The following OR5AN1 variants were observed in gnomAD, a reference collection of about 807,000 sequenced individuals.
OR5AN1 encodes the protein olfactory receptor family 5 subfamily AN member 1, also known as olfactory receptor 5AN1.
For synonymous variants in OR5AN1, 167 were observed against 131.8 expected (o/e 1.27, Z -1.83); for missense variants, 476 against 368.9 (o/e 1.29, Z -2.38).
rs572982469 is a variant in OR5AN1, at chr11:59,370,920, A to T, written c.*5526A>T. Reference sequence around the variant, plus strand: ...ACATCTTTTTTGATCAAAGCTTTACATCATTTGGATTCACAAGAAGGACCA... The same window carrying T: ...ACATCTTTTTTGATCAAAGCTTTACTTCATTTGGATTCACAAGAAGGACCA... On this transcript the variant is annotated 3_prime_UTR_variant, in exon 2 of 2. Coordinates refer to ENST00000641998, the MANE Select transcript of OR5AN1 (RefSeq NM_001004729.2). The T allele has an allele frequency of 6.6e-6, 1 of 152,216 alleles. No homozygotes were observed. Among genetic ancestry groups the T allele is most frequent in the Non-Finnish European group, 1.5e-5 (1 of 68,032 alleles). The allele number at this position is 152,216 out of a possible 1,614,324, so 9.4% of individuals were successfully genotyped here.
Position 59,368,943 on chromosome 11 carries a change from C to A in OR5AN1, c.*3549C>A, listed in dbSNP as rs1008552285. The A allele has an allele frequency of 6.6e-6, 1 of 152,200 alleles. No homozygotes were observed. The highest frequency in any genetic ancestry group is 1.5e-5 in the Non-Finnish European group (1 of 68,040). The allele number at this position is 152,200 out of a possible 1,614,324, so 9.4% of individuals were successfully genotyped here. Reference sequence around the variant, plus strand: ...ACACAACAGAACAAGAGTCTTCCAGCTGTCCTGTAAGCCTAGGTATCACCT... The same window carrying A: ...ACACAACAGAACAAGAGTCTTCCAGATGTCCTGTAAGCCTAGGTATCACCT... On this transcript the variant is annotated 3_prime_UTR_variant, in exon 2 of 2. Transcript: ENST00000641998.
At chr11:59,359,347 T>C (rs1226711643) in intron 1 of OR5AN1, 75 bp downstream of exon 1, 1 of 152,226 alleles carries the variant, frequency 6.6e-6, no homozygotes, top group Non-Finnish European at 1.5e-5. Flanking sequence ...TTCTTCTTTT[T>C]CACCTGTAAA....
In OR5AN1 at chr11:59,368,929, C is replaced by T. The variant is rs1857564028; in HGVS notation, c.*3535C>T. ...AACATAGGGGAGCCACACAACAGAA[C>T]AAGAGTCTTCCAGCTGTCCTGTAAG... On this transcript the variant is annotated 3_prime_UTR_variant, in exon 2 of 2. Transcript: ENST00000641998. 1.3e-5 allele frequency: 2 copies of T among 152,204 alleles called. No homozygotes were observed. Among genetic ancestry groups the T allele is most frequent in the South Asian group, 4.1e-4 (2 of 4,832 alleles). 9.4% of individuals were successfully genotyped at this position (152,204 alleles called of 1,614,324 possible).
In OR5AN1 at chr11:59,368,757, T is replaced by G. The variant is rs1372338785; in HGVS notation, c.*3363T>G. 6.6e-6 allele frequency: 1 copy of G among 152,218 alleles called. No homozygotes were observed. The highest frequency in any genetic ancestry group is 2.4e-5 in the African/African-American group (1 of 41,426). The allele number at this position is 152,218 out of a possible 1,614,324, so 9.4% of individuals were successfully genotyped here. A position where few individuals can be genotyped will look rare whatever the true frequency, so the allele number is the denominator to read the frequency against. On this transcript the variant is annotated 3_prime_UTR_variant, in exon 2 of 2. Transcript: ENST00000641998. ...ATCTCTTCCACTGCTGTCTCTAAGC[T>G]GGGGAAGGAACGTAAACACAAAGAT...
chr11:59,364,532 T>C lies in OR5AN1; in HGVS notation c.74T>C (p.Ile25Thr), dbSNP rs1194521110. The C allele has an allele frequency of 3.1e-6, 5 of 1,613,754 alleles. No homozygotes were observed. The highest frequency in any genetic ancestry group is 1.3e-5 in the African/African-American group (1 of 74,920). Reference protein sequence around the residue: ...LLGFSDFPRIIKVLFTIFLVI... With the variant: ...LLGFSDFPRITKVLFTIFLVI... ...GGATTCTCAGATTTTCCCAGGATCA[T>C]AAAAGTGCTCTTCACTATATTCCTG... The change falls in exon 2 of 2, where the codon ATA becomes ACA. Residue 25 changes from isoleucine (I) to threonine (T), a missense_variant. By Grantham distance (89) the Ile-to-Thr change is moderately conservative (BLOSUM62 -1). Transcript: ENST00000641998.
rs1857542501 is a variant in OR5AN1 at position 59,367,033 on chromosome 11, G to C, written c.*1639G>C. On this transcript the variant is annotated 3_prime_UTR_variant, in exon 2 of 2. Coordinates refer to ENST00000641998, the MANE Select transcript of OR5AN1 (RefSeq NM_001004729.2). The stretch of plus-strand genomic sequence containing the variant: ...ATGAATAAAATAAAGCAATATTTAT[G>C]AGATGTAGCCAAAGCTAAAATCAGA... The C allele has an allele frequency of 6.6e-6, 1 of 152,208 alleles. No homozygotes were observed. The highest frequency in any genetic ancestry group is 6.5e-5 in the Admixed American group (1 of 15,278). The allele number at this position is 152,208 out of a possible 1,614,324, so 9.4% of individuals were successfully genotyped here. A position where few individuals can be genotyped will look rare whatever the true frequency, so the allele number is the denominator to read the frequency against.
In OR5AN1 at chr11:59,368,040, G is replaced by C. The variant is rs1857553869; in HGVS notation, c.*2646G>C. The C allele has an allele frequency of 1.3e-5, 2 of 152,310 alleles. No individual in the cohort carries two copies. The highest frequency in any genetic ancestry group is 2.9e-5 in the Non-Finnish European group (2 of 68,162). 9.4% of individuals were successfully genotyped at this position (152,310 alleles called of 1,614,324 possible). ...GCTTTTTCAAGTGGTTCCTAATCCT[G>C]TTCCTCCTCACTGGGTGGAACCTCT... On this transcript the variant is annotated 3_prime_UTR_variant, in exon 2 of 2. Coordinates refer to ENST00000641998, the MANE Select transcript of OR5AN1 (RefSeq NM_001004729.2).
chr11:59,364,282 C>T (rs1175574076), intron 1 of OR5AN1, 164 bp from the exon 2 acceptor site: 2 of 554,804 alleles, frequency 3.6e-6, no homozygotes, highest in East Asian at 2.9e-5. Flanking sequence ...TGTGCAGGTA[C>T]ATGCTGACAA....
Position 59,365,293 on chromosome 11 carries a change from T to C in OR5AN1, c.835T>C (p.Tyr279His), listed in dbSNP as rs768109824. The C allele has an allele frequency of 1.4e-5, 23 of 1,612,474 alleles. No individual in the cohort carries two copies. The highest frequency in any genetic ancestry group is 1.9e-5 in the Non-Finnish European group (22 of 1,178,760). ...SSFDRFASVFYTVVIPMLNPL... is the reference protein window; with the variant it reads ...SSFDRFASVFHTVVIPMLNPL... ...CTTTGACAGATTTGCATCTGTTTTC[T>C]ACACTGTGGTCATTCCCATGTTAAA... The change falls in exon 2 of 2, where the codon TAC becomes CAC. Residue 279 changes from tyrosine to histidine, a missense_variant. Physicochemically the swap from Tyr to His is moderately conservative, Grantham distance 83. Coordinates refer to ENST00000641998, the MANE Select transcript of OR5AN1 (RefSeq NM_001004729.2).
rs1204620025 is a variant in OR5AN1, at chr11:59,365,392, T to C, written c.934T>C (p.Ter312ArgextTer5). ...LKRLQKRKCC[*>R] ...GAGGTTGCAAAAGAGAAAGTGCTGC[T>C]GAGTTTACAGATTCTGAGATTTCTG... Residue 312 changes from the stop codon to arginine (R), a stop_lost, in exon 2 of 2, where the codon TGA (stop) becomes CGA (arginine). Coordinates refer to ENST00000641998, the MANE Select transcript of OR5AN1 (RefSeq NM_001004729.2). 2.9e-5 allele frequency: 46 copies of C among 1,572,524 alleles called. No individual in the cohort carries two copies. Among genetic ancestry groups the C allele is most frequent in the Non-Finnish European group, 3.9e-5 (45 of 1,158,134 alleles).
At chr11:59,361,840 A>G (rs1384567773) in intron 1 of OR5AN1, among the ~76,000 whole-genome samples, 3 of 151,816 alleles carry the variant, frequency 2.0e-5, no homozygotes, top group Non-Finnish European at 4.4e-5. Context: ...TGATTTTTAC[A>G]TTTAATAATA....
At chr11:59,361,725 G>C (rs992581405) in intron 1 of OR5AN1, among the ~76,000 whole-genome samples, 1 of 152,154 alleles carries the variant, frequency 6.6e-6, no homozygotes, top group Non-Finnish European at 1.5e-5. Context: ...CAGCCTGCAA[G>C]TAAGATTCAG....
chr11:59,360,470 G>C (rs943938727), intron 1 of OR5AN1, among the ~76,000 whole-genome samples: 1 of 151,554 alleles, frequency 6.6e-6, no homozygotes, highest in Non-Finnish European at 1.5e-5. Context: ...TGATGTTCAG[G>C]TTTGCTACAT....
At position 59,366,569 on chromosome 11, in the gene OR5AN1, C is replaced by A. The variant is rs549448286; in HGVS notation, c.*1175C>A. On this transcript the variant is annotated 3_prime_UTR_variant, in exon 2 of 2. Coordinates refer to ENST00000641998, the MANE Select transcript of OR5AN1 (RefSeq NM_001004729.2). ...TTTTCTCCTTGTCCAAACTGCCTGGCGTAAAATTCAGGCTCTGCCACCCCC... is the reference window on the plus strand; with the variant it reads ...TTTTCTCCTTGTCCAAACTGCCTGGAGTAAAATTCAGGCTCTGCCACCCCC... The A allele has an allele frequency of 6.6e-6, 1 of 151,948 alleles. No individual in the cohort carries two copies. The highest frequency in any genetic ancestry group is 2.4e-5 in the African/African-American group (1 of 41,408). The allele number at this position is 151,948 out of a possible 1,614,324, so 9.4% of individuals were successfully genotyped here.
Position 59,365,296 on chromosome 11 carries a change from A to G in OR5AN1, c.838A>G (p.Thr280Ala), listed in dbSNP as rs985278197. The change falls in exon 2 of 2, where the codon ACT becomes GCT. Residue 280 changes from threonine to alanine, a missense_variant. Transcript: ENST00000641998. ...TGACAGATTTGCATCTGTTTTCTAC[A>G]CTGTGGTCATTCCCATGTTAAATCC... ...SFDRFASVFY[T>A]VVIPMLNPLI... is the part of the protein sequence containing the mutation. 1.9e-6 allele frequency: 3 copies of G among 1,612,726 alleles called. No individual in the cohort carries two copies. The highest frequency in any genetic ancestry group is 1.7e-6 in the Non-Finnish European group (2 of 1,178,976).
Position 59,364,551 on chromosome 11 carries a change from A to G in OR5AN1, c.93A>G (p.Ile31Met). Residue 31 changes from isoleucine to methionine, a missense_variant, in exon 2 of 2, where the codon ATA becomes ATG. Ile to Met is a conservative substitution (Grantham distance 10). Transcript: ENST00000641998. ...GGATCATAAAAGTGCTCTTCACTAT[A>G]TTCCTGGTGATCTACATTACATCTC... is the stretch of plus-strand genomic sequence containing the variant. ...FPRIIKVLFT[I>M]FLVIYITSLA... 1 of 1,613,724 alleles carries G rather than the reference A, an allele frequency of 6.2e-7. No individual in the cohort carries two copies. Among genetic ancestry groups the G allele is most frequent in the Non-Finnish European group, 8.5e-7 (1 of 1,179,686 alleles).
rs1166174155 is a variant in OR5AN1, at chr11:59,365,163, G to A, written c.705G>A (p.Arg235=). Residue 235 remains arginine, a synonymous_variant, in exon 2 of 2, where the codon AGG becomes AGA. Coordinates refer to ENST00000641998, the MANE Select transcript of OR5AN1 (RefSeq NM_001004729.2). ...TGAAGATCACTTCAGCTAAAGGCAGGTCCAAGGCATTCAACACCTGTGCTT... is the reference window on the plus strand; with the variant it reads ...TGAAGATCACTTCAGCTAAAGGCAGATCCAAGGCATTCAACACCTGTGCTT... ...SIMKITSAKG[R]SKAFNTCASH... is the part of the protein sequence containing the mutation. 2 of 1,613,920 alleles carry A rather than the reference G, an allele frequency of 1.2e-6. No homozygotes were observed. The highest frequency in any genetic ancestry group is 1.7e-6 in the Non-Finnish European group (2 of 1,179,970).
rs1180451782 is a variant in OR5AN1 at position 59,371,673 on chromosome 11, T to C, written c.*6279T>C. The C allele has an allele frequency of 1.3e-5, 2 of 152,158 alleles. No individual in the cohort carries two copies. Among genetic ancestry groups the C allele is most frequent in the Non-Finnish European group, 2.9e-5 (2 of 68,036 alleles). 9.4% of individuals were successfully genotyped at this position (152,158 alleles called of 1,614,324 possible). A position where few individuals can be genotyped will look rare whatever the true frequency, so the allele number is the denominator to read the frequency against. ...TTGAGGGAAGGTCCAGGGACAAATT[T>C]GGAAAAAATTATAGGATAGGCAACA... On this transcript the variant is annotated 3_prime_UTR_variant, in exon 2 of 2. Transcript: ENST00000641998.
rs1013952036 is a variant in OR5AN1 at position 59,367,903 on chromosome 11, G to C, written c.*2509G>C. Reference sequence around the variant, plus strand: ...GGAGAAGTGGGTTACCATCTTTGCTGTTTTAATGACTTAGCAACTCCAGCC... The same window carrying C: ...GGAGAAGTGGGTTACCATCTTTGCTCTTTTAATGACTTAGCAACTCCAGCC... On this transcript the variant is annotated 3_prime_UTR_variant, in exon 2 of 2. Transcript: ENST00000641998. The C allele has an allele frequency of 6.6e-6, 1 of 152,296 alleles. No homozygotes were observed. Among genetic ancestry groups the C allele is most frequent in the African/African-American group, 2.4e-5 (1 of 41,456 alleles). The allele number at this position is 152,296 out of a possible 1,614,324, so 9.4% of individuals were successfully genotyped here. A position where few individuals can be genotyped will look rare whatever the true frequency, so the allele number is the denominator to read the frequency against.
Sources: allele counts gnomAD v4.1 joint callset (sites outside exome capture counted in the v4.1 genomes callset), GRCh38; gene constraint gnomAD v4.1.1; transcripts MANE v1.5; gene names NCBI Gene and HGNC (gene_info 2026-07-23, HGNC 2026-07-21).